The following CCSER1 variants were observed in gnomAD, a reference collection of about 807,000 sequenced individuals.
CCSER1 encodes the protein serine-rich coiled-coil domain-containing protein 1.
Under a neutral mutation model 82.0 loss-of-function variants are expected in CCSER1, and 41 were observed. The ratio of observed to expected loss-of-function variants is 0.50; its 90% confidence interval spans 0.39 to 0.65. CCSER1 has a LOEUF of 0.65. Ranked by LOEUF, CCSER1 falls within the 30% of genes least tolerant of loss-of-function variation. The probability of loss-of-function intolerance (pLI) is 0.00; values close to 1 mark genes in which losing one functional copy is unlikely to be tolerated. For missense variants in CCSER1, 1,119 were observed against 1,064.2 expected (o/e 1.05, Z -0.72); for synonymous variants, 414 against 383.9 (o/e 1.08, Z -0.92).
chr4:90,732,508 T>C (rs1744937457), intron 7 of CCSER1, among the ~76,000 whole-genome samples: 1 of 152,136 alleles, frequency 6.6e-6, no homozygotes, highest in Non-Finnish European at 1.5e-5. Context: ...TATATCCATA[T>C]TCTAAACTCC....
chr4:90,781,857 G>A (rs1445111139), intron 7 of CCSER1: 2 of 936,570 alleles, frequency 2.1e-6, no homozygotes, highest in East Asian at 2.3e-4. Flanking sequence ...TTCTATTTCA[G>A]TTTATTTATG....
intron 9 of CCSER1, among the ~76,000 whole-genome samples, chr4:90,958,955 C>T (rs1209959317): frequency 2.6e-5 from 4 of 152,118 alleles, no homozygotes; most frequent in African/African-American, 7.2e-5. Flanking sequence ...ACAGGAGTCT[C>T]ATGCAAATTT....
chr4:91,261,809 A>G (rs1429148982), intron 10 of CCSER1, among the ~76,000 whole-genome samples: 1 of 152,216 alleles, frequency 6.6e-6, no homozygotes, highest in African/African-American at 2.4e-5. Flanking sequence ...GTTGATTTTT[A>G]AAATTATTAA....
chr4:91,444,634 G>A (rs1015623435), intron 10 of CCSER1, among the ~76,000 whole-genome samples: 2 of 152,142 alleles, frequency 1.3e-5, no homozygotes. Flanking sequence ...ATTTTTAGTA[G>A]AGATGAAGTT....
intron 10 of CCSER1, among the ~76,000 whole-genome samples, chr4:91,190,055 T>C (rs1190788072): frequency 6.6e-6 from 1 of 152,174 alleles, no homozygotes; most frequent in Admixed American, 6.5e-5. Context: ...TGTTGAAATC[T>C]GTAGCCCTGG....
chr4:90,464,203 G>T (rs1023500411), intron 4 of CCSER1, among the ~76,000 whole-genome samples: 2 of 152,114 alleles, frequency 1.3e-5, no homozygotes, highest in African/African-American at 4.8e-5. Context: ...CCTGAGGTTT[G>T]CAGATTTCTG....
chr4:90,992,147 G>A (rs975499766), intron 9 of CCSER1, among the ~76,000 whole-genome samples: 6 of 151,982 alleles, frequency 3.9e-5, no homozygotes, highest in Non-Finnish European at 8.8e-5. Flanking sequence ...ATAAAATTCT[G>A]CCAAACTTGT....
At chr4:91,157,982 A>G (rs1377021975) in intron 10 of CCSER1, among the ~76,000 whole-genome samples, 1 of 151,996 alleles carries the variant, frequency 6.6e-6, no homozygotes, top group Non-Finnish European at 1.5e-5. Context: ...TAGGGGTTGA[A>G]AGCAGTATAT....
chr4:90,521,170 T>C (rs1773070348), intron 5 of CCSER1, among the ~76,000 whole-genome samples: 1 of 152,026 alleles, frequency 6.6e-6, no homozygotes. Flanking sequence ...TCTCTTAAGT[T>C]CCCAATCTAT....
intron 5 of CCSER1, among the ~76,000 whole-genome samples, chr4:90,513,594 G>A (rs1406680712): frequency 6.6e-6 from 1 of 152,148 alleles, no homozygotes; most frequent in Non-Finnish European, 1.5e-5. Flanking sequence ...TGCATTCTCA[G>A]TGCTTGATTG....
intron 5 of CCSER1, among the ~76,000 whole-genome samples, chr4:90,495,602 C>G (rs1578800838): frequency 6.6e-6 from 1 of 152,052 alleles, no homozygotes; most frequent in African/African-American, 2.4e-5. Flanking sequence ...AAGATGCCCA[C>G]TAATTTTTAT....
chr4:90,734,575 T>C (rs1228732844), intron 7 of CCSER1, among the ~76,000 whole-genome samples: 1 of 152,228 alleles, frequency 6.6e-6, no homozygotes, highest in African/African-American at 2.4e-5. Flanking sequence ...ATAGCTATTG[T>C]AAATTGGATT....
chr4:90,229,251 A>C (rs141981385), intron 1 of CCSER1, among the ~76,000 whole-genome samples: 1 of 152,244 alleles, frequency 6.6e-6, no homozygotes, highest in East Asian at 1.9e-4. Flanking sequence ...AGGGAAGCCC[A>C]TCAGACTGAC....
chr4:90,699,114 TAAC>T (rs979397347), intron 6 of CCSER1, among the ~76,000 whole-genome samples: 1 of 151,712 alleles, frequency 6.6e-6, no homozygotes, highest in Non-Finnish European at 1.5e-5. Context: ...ACAACAACAA[TAAC>T]AACATCCAAG....
intron 3 of CCSER1, among the ~76,000 whole-genome samples, chr4:90,377,600 T>C (rs1748545043): frequency 6.6e-6 from 1 of 152,134 alleles, no homozygotes; most frequent in African/African-American, 2.4e-5. Flanking sequence ...AAATAGTATC[T>C]AAGAGATTCA....
chr4:90,373,454 A>G (rs531422184), intron 3 of CCSER1, among the ~76,000 whole-genome samples: 1 of 152,314 alleles, frequency 6.6e-6, no homozygotes, highest in African/African-American at 2.4e-5. Context: ...TGGTTGGAAT[A>G]AAGTTCATAG....
intron 9 of CCSER1, among the ~76,000 whole-genome samples, chr4:90,928,277 T>A (rs1294882426): frequency 6.7e-6 from 1 of 148,316 alleles, no homozygotes; most frequent in East Asian, 1.9e-4. Flanking sequence ...AAAACATCTA[T>A]CATGTTTAAA....
chr4:91,148,459 T>G (rs1208322779), intron 10 of CCSER1, among the ~76,000 whole-genome samples: 1 of 151,520 alleles, frequency 6.6e-6, no homozygotes, highest in African/African-American at 2.4e-5. Flanking sequence ...GCTTACTAAG[T>G]ACCAGACATT....
chr4:91,105,031 T>A (rs1300407336), intron 10 of CCSER1, among the ~76,000 whole-genome samples: 2 of 152,198 alleles, frequency 1.3e-5, no homozygotes, highest in Non-Finnish European at 2.9e-5. Flanking sequence ...TTAAGTAATT[T>A]CTCATCATCC....
Sources: allele counts gnomAD v4.1 joint callset (sites outside exome capture counted in the v4.1 genomes callset), GRCh38; gene constraint gnomAD v4.1.1; transcripts MANE v1.5; gene names NCBI Gene and HGNC (gene_info 2026-07-23, HGNC 2026-07-21).